Variants in VPS13B observed in about 807,000 individuals in gnomAD.
VPS13B encodes the protein intermembrane lipid transfer protein VPS13B.
VPS13B carries 285 observed loss-of-function variants against 426.4 expected under a neutral mutation model. That is an observed-to-expected ratio of 0.67 (90% confidence interval 0.61 to 0.74). The LOEUF (loss-of-function observed/expected upper bound fraction) is 0.74, where lower values mean the gene tolerates loss of function less well. Among genes scored for constraint, VPS13B ranks in the 30% least tolerant of loss-of-function variants. The pLI is 0.00. For synonymous variants in VPS13B, 1,676 were observed against 1,676.4 expected, an observed-to-expected ratio of 1.00 and a Z score of 0.01; for missense variants, 4,537 against 4,782.6, an observed-to-expected ratio of 0.95 and a Z score of 1.51.
intron 17 of VPS13B, among the ~76,000 whole-genome samples, chr8:99,206,911 A>C (rs775590946): frequency 6.6e-6 from 1 of 152,128 alleles, no homozygotes; most frequent in African/African-American, 2.4e-5. Context: ...GATGTTATAA[A>C]ATTTTCTTGC....
intron 3 of VPS13B, among the ~76,000 whole-genome samples, chr8:99,042,140 C>CA (rs926270480): frequency 2.0e-3 from 257 of 130,700 alleles, no homozygotes; most frequent in Middle Eastern, 3.8e-3. Flanking sequence ...AACTCCATCT[C>CA]AAAAAAAAAA....
At position 99,586,893 on chromosome 8, in the gene VPS13B, A is replaced by G. The variant is rs569358156; in HGVS notation, c.5220+9260A>G. ...TGCACAACATGCAGGTTTCTTACAT[A>G]TGTATACATGTGCCGTGTTGGTTTG... On this transcript the variant is annotated intron_variant, in intron 33 of 61. Transcript: ENST00000357162. 3.9e-5 allele frequency among the ~76,000 whole-genome samples: 6 copies of G among 152,264 alleles called. No homozygotes were observed. The South Asian group carries it at 1.2e-3, about 32-fold the overall frequency.
intron 23 of VPS13B, among the ~76,000 whole-genome samples, chr8:99,448,270 C>T (rs927758487): frequency 1.3e-5 from 2 of 151,600 alleles, no homozygotes; most frequent in East Asian, 1.9e-4. Context: ...TTTTCATACT[C>T]CCTAAGAGAA....
intron 23 of VPS13B, among the ~76,000 whole-genome samples, chr8:99,453,172 C>A (rs948561614): frequency 6.6e-6 from 1 of 151,392 alleles, no homozygotes; most frequent in African/African-American, 2.4e-5. Context: ...CTATGTAATT[C>A]TTGTTCACCT....
chr8:99,725,988 A>G (rs1833331449), intron 39 of VPS13B, among the ~76,000 whole-genome samples: 1 of 152,218 alleles, frequency 6.6e-6, no homozygotes, highest in Admixed American at 6.5e-5. Flanking sequence ...AATTCACTTA[A>G]AAATTGGCCT....
intron 25 of VPS13B, among the ~76,000 whole-genome samples, chr8:99,486,205 C>A (rs1435063862): frequency 2.6e-5 from 4 of 151,944 alleles, no homozygotes. Flanking sequence ...ACGTCCCACA[C>A]AAGCAAATAA....
intron 17 of VPS13B, among the ~76,000 whole-genome samples, chr8:99,242,418 A>T (rs187313524): frequency 2.0e-5 from 3 of 152,254 alleles, no homozygotes; most frequent in Non-Finnish European, 4.4e-5. Context: ...ACTGTTTATC[A>T]GAATGGTTAT....
chr8:99,048,307 A>G (rs375525917), intron 3 of VPS13B, among the ~76,000 whole-genome samples: 47 of 152,308 alleles, frequency 3.1e-4, no homozygotes, highest in African/African-American at 1.0e-3. Flanking sequence ...GCACTGAGGA[A>G]TAGAATGAAT....
In VPS13B at chr8:99,474,667, C is replaced by A. The variant is rs560489507; in HGVS notation, c.3667-6932C>A. ...AAAACGTCATGAAGAAATAGAAATA[C>A]ACACCTATTAGACTGGCTAAAATAA... On this transcript the variant is annotated intron_variant, in intron 24 of 61. Coordinates refer to ENST00000357162, the MANE Select transcript of VPS13B (RefSeq NM_152564.5). 1.2e-4 allele frequency among the ~76,000 whole-genome samples: 18 copies of A among 152,164 alleles called. No homozygotes were observed. The South Asian group carries it at 3.5e-3, about 30-fold the overall frequency.
intron 19 of VPS13B, among the ~76,000 whole-genome samples, chr8:99,317,970 A>G (rs1041320619): frequency 1.3e-5 from 2 of 152,170 alleles, no homozygotes; most frequent in African/African-American, 2.4e-5. Flanking sequence ...GTTTATTCCA[A>G]CTGTGTTTTT....
At chr8:99,316,303 G>A (rs1426196928) in intron 19 of VPS13B, among the ~76,000 whole-genome samples, 2 of 152,208 alleles carry the variant, frequency 1.3e-5, no homozygotes, top group Non-Finnish European at 1.5e-5. Flanking sequence ...TGGCAGCGGA[G>A]GGCAGGGAAT....
At chr8:99,517,065 A>G (rs1006362232) in intron 29 of VPS13B, among the ~76,000 whole-genome samples, 2 of 152,180 alleles carry the variant, frequency 1.3e-5, no homozygotes, top group Non-Finnish European at 2.9e-5. Context: ...ATAACTGATT[A>G]AAAACTTTTG....
At chr8:99,691,913 C>CT (rs1831687784) in intron 35 of VPS13B, among the ~76,000 whole-genome samples, 2 of 150,318 alleles carry the variant, frequency 1.3e-5, no homozygotes, top group African/African-American at 4.9e-5. Flanking sequence ...ATAAAACAGA[C>CT]TTTAAACCAA....
intron 25 of VPS13B, 105 bp downstream of exon 25, chr8:99,481,907 T>TAC: frequency 7.5e-7 from 1 of 1,341,400 alleles, no homozygotes; most frequent in Non-Finnish European, 1.0e-6. Context: ...TGAAAACTGA[T>TAC]AGATTCTGAA....
At chr8:99,515,564 T>C (rs1822023215) in intron 29 of VPS13B, among the ~76,000 whole-genome samples, 1 of 152,152 alleles carries the variant, frequency 6.6e-6, no homozygotes, top group Non-Finnish European at 1.5e-5. Context: ...TGGGGAAGGT[T>C]TTTATAGTTG....
chr8:99,543,417 C>A (rs1396696019), intron 30 of VPS13B, among the ~76,000 whole-genome samples: 1 of 151,572 alleles, frequency 6.6e-6, no homozygotes, highest in African/African-American at 2.4e-5. Flanking sequence ...GACTTCATGT[C>A]TAAAACACCA....
chr8:99,156,641 T>C lies in VPS13B; in HGVS notation c.2106T>C (p.His702=). The change falls in exon 15 of 62, where the codon CAT becomes CAC. Residue 702 remains histidine, a synonymous_variant. Coordinates refer to ENST00000357162, the MANE Select transcript of VPS13B (RefSeq NM_152564.5). ...TGGTGGATAAAATTAATCTGGAACATTCAGTGCCAATGTATGCTGAACAGT... is the reference window on the plus strand; with the variant it reads ...TGGTGGATAAAATTAATCTGGAACACTCAGTGCCAATGTATGCTGAACAGT... The part of the protein sequence containing the change: ...RILVDKINLE[H]SVPMYAEQLV... 6.2e-7 allele frequency: 1 copy of C among 1,614,122 alleles called. No individual in the cohort carries two copies.
chr8:99,556,178 G>A (rs1824551637), intron 30 of VPS13B, among the ~76,000 whole-genome samples: 1 of 152,094 alleles, frequency 6.6e-6, no homozygotes, highest in African/African-American at 2.4e-5. Flanking sequence ...TCATGTATGT[G>A]AGAGTACTTA....
chr8:99,218,888 C>T (rs561786627), intron 17 of VPS13B, among the ~76,000 whole-genome samples: 24 of 152,184 alleles, frequency 1.6e-4, no homozygotes, highest in African/African-American at 4.8e-4. Flanking sequence ...CAGAAACAGT[C>T]GTTTGCTTTT....
Sources: allele counts gnomAD v4.1 joint callset (sites outside exome capture counted in the v4.1 genomes callset), GRCh38; gene constraint gnomAD v4.1.1; transcripts MANE v1.5; gene names NCBI Gene and HGNC (gene_info 2026-07-23, HGNC 2026-07-21).